The following FALEC variants were observed in gnomAD, a reference collection of about 807,000 sequenced individuals.
FALEC encodes the protein focally amplified lncRNA regulator of ECM1, also known as focally amplified lncRNA on chromosome 1.
At chr1:150,534,798 T>C in the FALEC span, among the ~76,000 whole-genome samples, 210 of 145,814 alleles carry the variant, frequency 1.4e-3, no homozygotes, top group South Asian at 3.4e-3. Flanking sequence ...GCTGAGATCA[T>C]GCCACTGCAC....
chr1:150,517,561 T>G (rs766588715), intron 1 of FALEC, among the ~76,000 whole-genome samples: 17 of 152,224 alleles, frequency 1.1e-4, no homozygotes, highest in African/African-American at 3.9e-4. Flanking sequence ...GGAGCCCTCA[T>G]AAATGGGATT....
the FALEC span, among the ~76,000 whole-genome samples, chr1:150,529,383 G>A: frequency 6.6e-6 from 1 of 152,256 alleles, no homozygotes; most frequent in Non-Finnish European, 1.5e-5. Context: ...GGCTTGGTGG[G>A]CAGGCTGCTG....
downstream of FALEC, among the ~76,000 whole-genome samples, chr1:150,518,386 C>CT (rs796565110): frequency 0.031 from 2,280 of 74,344 alleles, 64 homozygotes; most frequent in African/African-American, 0.063. Context: ...AAGTCTCTCT[C>CT]TTTTTTTTTT....
At chr1:150,520,099 A>G (rs1670618477), downstream of FALEC, among the ~76,000 whole-genome samples, 1 of 152,162 alleles carries the variant, frequency 6.6e-6, no homozygotes, top group South Asian at 2.1e-4. Flanking sequence ...TCATGAGCCA[A>G]GATCACACCA....
At chr1:150,520,352 A>G (rs1398950572), downstream of FALEC, among the ~76,000 whole-genome samples, 1 of 151,828 alleles carries the variant, frequency 6.6e-6, no homozygotes, top group African/African-American at 2.4e-5. Context: ...GCCCCTGATA[A>G]CTCCTAATAT....
chr1:150,525,959 A>G, the FALEC span, among the ~76,000 whole-genome samples: 3 of 152,206 alleles, frequency 2.0e-5, no homozygotes, highest in Non-Finnish European at 4.4e-5. Context: ...TTTTATGTAA[A>G]TAGATTTATT....
the FALEC span, among the ~76,000 whole-genome samples, chr1:150,525,015 G>T: frequency 1.5e-5 from 2 of 136,262 alleles, no homozygotes; most frequent in African/African-American, 6.0e-5. Flanking sequence ...AAAAAAAAAA[G>T]GCCTGGTGCA....
At chr1:150,523,200 C>G in the FALEC span, among the ~76,000 whole-genome samples, 1 of 145,304 alleles carries the variant, frequency 6.9e-6, no homozygotes, top group Non-Finnish European at 1.5e-5. Context: ...GCATTGTTGA[C>G]CAGGCTGGTC....
chr1:150,526,545 C>CTGAG, the FALEC span, among the ~76,000 whole-genome samples: 15 of 38,088 alleles, frequency 3.9e-4, no homozygotes, highest in East Asian at 4.6e-3. Flanking sequence ...TTTTTTGATT[C>CTGAG]TCCTGCCTCA....
chr1:150,533,430 C>CTTTTTTTTTT, the FALEC span, among the ~76,000 whole-genome samples: 11 of 97,676 alleles, frequency 1.1e-4, 1 homozygote, highest in Non-Finnish European at 1.6e-4. Flanking sequence ...AGAACCAGAG[C>CTTTTTTTTTT]TTTTTTTTTT....
At chr1:150,534,593 C>T in the FALEC span, among the ~76,000 whole-genome samples, 8 of 152,180 alleles carry the variant, frequency 5.3e-5, no homozygotes, top group East Asian at 1.4e-3. Context: ...CCTGTAATCC[C>T]AGCACTTTGG....
chr1:150,519,612 T>C (rs186510049), downstream of FALEC, among the ~76,000 whole-genome samples: 666 of 152,014 alleles, frequency 4.4e-3, no homozygotes, highest in Admixed American at 6.6e-3. Flanking sequence ...ATCCCAGCAC[T>C]TTGGGAGGCT....
chr1:150,534,515 C>T, the FALEC span, among the ~76,000 whole-genome samples: 1 of 152,160 alleles, frequency 6.6e-6, no homozygotes, highest in African/African-American at 2.4e-5. Flanking sequence ...CTGTGCCCCC[C>T]CAGCCCCCAC....
At chr1:150,518,742 A>G (rs587767977), downstream of FALEC, among the ~76,000 whole-genome samples, 11 of 152,100 alleles carry the variant, frequency 7.2e-5, no homozygotes, top group Non-Finnish European at 1.0e-4. Context: ...TAAGGCCAAA[A>G]TTACATAGTT....
chr1:150,529,041 C>CAAAAAAAAAAAAAAAAAA, the FALEC span, among the ~76,000 whole-genome samples: 35 of 58,672 alleles, frequency 6.0e-4, no homozygotes, highest in Non-Finnish European at 7.4e-4. Flanking sequence ...AAAAAAAAAT[C>CAAAAAAAAAAAAAAAAAA]AAAGGATCTA....
downstream of FALEC, among the ~76,000 whole-genome samples, chr1:150,522,428 G>A (rs587768460): frequency 1.3e-5 from 2 of 152,044 alleles, no homozygotes; most frequent in South Asian, 4.1e-4. Flanking sequence ...TTCAAGACCA[G>A]CCTGGGCAAC....
chr1:150,518,823 G>A (rs145112208), downstream of FALEC, among the ~76,000 whole-genome samples: 455 of 152,138 alleles, frequency 3.0e-3, 2 homozygotes, highest in Middle Eastern at 0.02. Context: ...TTGGGAGGCC[G>A]AGTTGGGCGG....
chr1:150,532,209 C>G, the FALEC span, among the ~76,000 whole-genome samples: 17 of 152,272 alleles, frequency 1.1e-4, no homozygotes, highest in East Asian at 1.9e-4. Context: ...ACCCGGCCAG[C>G]CTTTGCTTTT....
chr1:150,531,748 G>C, the FALEC span, among the ~76,000 whole-genome samples: 2 of 152,134 alleles, frequency 1.3e-5, no homozygotes, highest in Non-Finnish European at 2.9e-5. Context: ...AGCCAAAAAT[G>C]CACCCCTAAC....
Sources: gnomAD v4.1 joint callset for allele counts (sites outside exome capture counted in the v4.1 genomes callset) on GRCh38, gnomAD v4.1.1 for gene constraint, MANE v1.5 for transcripts, NCBI Gene and HGNC (gene_info 2026-07-23, HGNC 2026-07-21) for gene names.